The following LRP5 variants were observed in gnomAD, a reference collection of about 807,000 sequenced individuals.
LRP5 encodes LDL receptor related protein 5.
A neutral mutation model predicts 154.1 loss-of-function variants in LRP5; 62 were observed. The observed-to-expected ratio is 0.40, with a 90% CI of 0.33 to 0.50. The LOEUF (loss-of-function observed/expected upper bound fraction) is 0.50. LRP5 is among the 20% of genes least tolerant of loss of function. The pLI is 0.55. For synonymous variants in LRP5, 966 were observed against 1,011.5 expected (o/e 0.96, Z 0.85); for missense variants, 1,915 against 2,336.7 (o/e 0.82, Z 3.72).
intron 5 of LRP5, among the ~76,000 whole-genome samples, chr11:68,384,561 C>G: frequency 6.6e-6 from 1 of 152,168 alleles, no homozygotes; most frequent in African/African-American, 2.4e-5. Flanking sequence ...TCCCAGCAAC[C>G]TCAGGAAGGA....
intron 17 of LRP5, among the ~76,000 whole-genome samples, chr11:68,431,858 C>A (rs1022910617): frequency 2.1e-5 from 3 of 142,792 alleles, no homozygotes; most frequent in African/African-American, 7.4e-5. Flanking sequence ...CATGCCCTTC[C>A]ATCCACCACC....
chr11:68,435,122 G>C (rs1019873830), intron 18 of LRP5, among the ~76,000 whole-genome samples: 1 of 152,236 alleles, frequency 6.6e-6, no homozygotes. Flanking sequence ...AGAGAACTGA[G>C]TGGTTATGCT....
chr11:68,412,114 T>C (rs1297020115), intron 11 of LRP5, among the ~76,000 whole-genome samples: 3 of 152,178 alleles, frequency 2.0e-5, no homozygotes, highest in African/African-American at 7.2e-5. Context: ...GCTGGTGCTC[T>C]CATCTCCTTT....
At chr11:68,441,297 C>G (rs773445537) in intron 21 of LRP5, among the ~76,000 whole-genome samples, 2 of 150,450 alleles carry the variant, frequency 1.3e-5, no homozygotes, top group African/African-American at 2.5e-5. Context: ...AGGCTGGTCT[C>G]CAACTCCTGG....
chr11:68,435,686 A>G (rs2098674481), intron 18 of LRP5, among the ~76,000 whole-genome samples: 1 of 152,056 alleles, frequency 6.6e-6, no homozygotes, highest in African/African-American at 2.4e-5. Context: ...ATTCTGTTCT[A>G]TGCTATGCTA....
chr11:68,433,517 C>G (rs1165086846), intron 17 of LRP5, 85 bp from the exon 18 acceptor site: 1 of 1,226,768 alleles, frequency 8.2e-7, no homozygotes, highest in Non-Finnish European at 1.2e-6. Context: ...TCCCTCTCAA[C>G]TTCTGCTTTG....
rs1415459656 is a variant in LRP5 at position 68,409,065 on chromosome 11, A to AT, written c.2092-849_2092-848insT. Among the ~76,000 whole-genome samples the AT allele has an allele frequency of 7.2e-3, 235 of 32,664 alleles. 3 individuals carry two copies. The highest frequency in any genetic ancestry group is 0.019 in the South Asian group (18 of 948). The allele number at this position is 32,664 out of a possible 152,430, so 21.4% of individuals were successfully genotyped here. ...ACTTATCTGGGGAAAAAAAAAAAAA[A>AT]AAAAAAAAATATATATATATATATA... On this transcript the variant is annotated intron_variant, in intron 9 of 22. Transcript: ENST00000294304.
chr11:68,322,746 G>A (rs1354873564), intron 1 of LRP5, among the ~76,000 whole-genome samples: 2 of 152,354 alleles, frequency 1.3e-5, no homozygotes, highest in South Asian at 2.1e-4. Context: ...CCTCTGGCTC[G>A]AATTCTGCTG....
intron 1 of LRP5, among the ~76,000 whole-genome samples, chr11:68,318,636 G>C (rs998002976): frequency 1.1e-4 from 17 of 152,326 alleles, no homozygotes; most frequent in African/African-American, 4.1e-4. Flanking sequence ...ACTGCGCTGG[G>C]CCTTAATGTA....
intron 21 of LRP5, chr11:68,445,643 A>G: frequency 7.6e-7 from 1 of 1,319,076 alleles, no homozygotes; most frequent in South Asian, 1.2e-5. Context: ...CCCTTTGGGA[A>G]GCTGCATGTT....
At position 68,326,058 on chromosome 11, in the gene LRP5, C is replaced by T. The variant is rs1260427903; in HGVS notation, c.91+13253C>T. Among the ~76,000 whole-genome samples the T allele has an allele frequency of 2.0e-5, 3 of 152,370 alleles. No homozygotes were observed. In the South Asian group the frequency reaches 6.2e-4, roughly 32 times the overall value. ...GTGGCCTGGTGGCCTGTGGGTTGCG[C>T]TCATGACAACGTGGAGCCTATTCAG... On this transcript the variant is annotated intron_variant, in intron 1 of 22. Transcript: ENST00000294304.
Position 68,390,833 on chromosome 11 carries a change from C to T in LRP5, c.1584+781C>T, listed in dbSNP as rs536692946. Reference sequence around the variant, plus strand: ...CGCTGTGGTCGGGTTTCAGTGGCCTCGTCCTGTGGACGCAGCCTCGCCCTG... The same window carrying T: ...CGCTGTGGTCGGGTTTCAGTGGCCTTGTCCTGTGGACGCAGCCTCGCCCTG... On this transcript the variant is annotated intron_variant, in intron 7 of 22. Transcript: ENST00000294304. Among the ~76,000 whole-genome samples, 7 of 145,972 alleles carry T rather than the reference C, an allele frequency of 4.8e-5. No homozygotes were observed. In the East Asian group the frequency reaches 6.2e-4, roughly 13 times the overall value.
At chr11:68,320,243 AAC>A (rs1232831880) in intron 1 of LRP5, among the ~76,000 whole-genome samples, 1 of 152,174 alleles carries the variant, frequency 6.6e-6, no homozygotes, top group Non-Finnish European at 1.5e-5. Context: ...CATCTACGAG[AAC>A]ACACACTTTC....
rs910242331 is a variant in LRP5 at position 68,353,120 on chromosome 11, T to A, written c.489-4530T>A. Reference sequence around the variant, plus strand: ...CTGCATCATCTCTGCGAGCCAACTGTCCCTGTTTGGCTCTGGCTTTTCTTA... The same window carrying A: ...CTGCATCATCTCTGCGAGCCAACTGACCCTGTTTGGCTCTGGCTTTTCTTA... On this transcript the variant is annotated intron_variant, in intron 2 of 22. Coordinates refer to ENST00000294304, the MANE Select transcript of LRP5 (RefSeq NM_002335.4). This position sits in a 1 kb window ranked among gnomAD's most constrained non-coding sequence, Gnocchi z 4.5. Among the ~76,000 whole-genome samples, 6 of 152,168 alleles carry A rather than the reference T, an allele frequency of 3.9e-5. No individual in the cohort carries two copies. Among genetic ancestry groups the A allele is most frequent in the Non-Finnish European group, 7.3e-5 (5 of 68,032 alleles).
chr11:68,398,650 A>T (rs2098650919), intron 7 of LRP5, among the ~76,000 whole-genome samples: 1 of 152,184 alleles, frequency 6.6e-6, no homozygotes, highest in Non-Finnish European at 1.5e-5. Context: ...ATTACTTGAA[A>T]AAAAAAAAGC....
chr11:68,389,658 A>G lies in LRP5; in HGVS notation c.1413-223A>G, dbSNP rs543372554. 2.0e-5 allele frequency among the ~76,000 whole-genome samples: 3 copies of G among 150,616 alleles called. No homozygotes were observed. The East Asian group carries it at 5.9e-4, about 30-fold the overall frequency. On this transcript the variant is annotated intron_variant, in intron 6 of 22. Coordinates refer to ENST00000294304, the MANE Select transcript of LRP5 (RefSeq NM_002335.4). ...GACACTGACATCTACTGATACTGGC[A>G]TCTACCGACACTGATATTTACCAAC...
intron 5 of LRP5, among the ~76,000 whole-genome samples, chr11:68,381,481 C>T (rs1288217869): frequency 6.6e-6 from 1 of 152,088 alleles, no homozygotes; most frequent in African/African-American, 2.4e-5. Context: ...GGAAGCTGTG[C>T]CCTGCCTGGC....
chr11:68,362,138 G>A (rs160607), intron 3 of LRP5, among the ~76,000 whole-genome samples: 45,797 of 152,116 alleles, frequency 0.3, 8,228 homozygotes, highest in Admixed American at 0.43. Flanking sequence ...GATGAACCTC[G>A]AAAACATGGT....
intron 2 of LRP5, among the ~76,000 whole-genome samples, chr11:68,354,833 G>A (rs1432646811): frequency 6.6e-6 from 1 of 152,204 alleles, no homozygotes; most frequent in East Asian, 1.9e-4. Flanking sequence ...CCCTTTGTTG[G>A]TTGGGTTCTC....
Sources: gnomAD v4.1 joint callset for allele counts (sites outside exome capture counted in the v4.1 genomes callset) on GRCh38, gnomAD v4.1.1 for gene constraint, Gnocchi (gnomAD v3.1) non-coding constraint, MANE v1.5 for transcripts, NCBI Gene and HGNC (gene_info 2026-07-23, HGNC 2026-07-21) for gene names.